The following SPATC1 variants were observed in gnomAD, a reference collection of about 807,000 sequenced individuals.
SPATC1 encodes the protein spermatogenesis and centriole associated 1.
In SPATC1, 35 loss-of-function variants were observed where a neutral mutation model predicts 36.5. The observed-to-expected ratio is 0.96, with a 90% CI of 0.73 to 1.27. The LOEUF (loss-of-function observed/expected upper bound fraction) is 1.27, where lower values mean the gene tolerates loss of function less well. Ranked by LOEUF, SPATC1 falls within the 50% of genes most tolerant of loss-of-function variation. The probability of loss-of-function intolerance (pLI) is 0.00; values close to 1 mark genes in which losing one functional copy is unlikely to be tolerated. For missense variants in SPATC1, 779 were observed against 796.0 expected, an observed-to-expected ratio of 0.98 and a Z score of 0.26; for synonymous variants, 361 against 353.6, an observed-to-expected ratio of 1.02 and a Z score of -0.24.
chr8:144,012,797 G>A, intron 1 of SPATC1, 71 bp downstream of exon 1: 1 of 1,501,764 alleles, frequency 6.7e-7, no homozygotes, highest in South Asian at 1.2e-5. Context: ...GACTCAGTGT[G>A]CTGAGGTCTC....
At chr8:144,025,132 C>T (rs1311627104) in intron 1 of SPATC1, among the ~76,000 whole-genome samples, 3 of 151,710 alleles carry the variant, frequency 2.0e-5, no homozygotes, top group Non-Finnish European at 4.4e-5. Flanking sequence ...ATTCTTTTCC[C>T]TGAGGACCCT....
intron 1 of SPATC1, among the ~76,000 whole-genome samples, chr8:144,023,462 AC>A (rs1186359111): frequency 0.095 from 9,148 of 96,074 alleles, 1,491 homozygotes; most frequent in Non-Finnish European, 0.13. Context: ...TTCCCTGAGG[AC>A]CCTCTCTCCT....
intron 1 of SPATC1, among the ~76,000 whole-genome samples, chr8:144,026,114 T>C (rs1355814400): frequency 6.7e-6 from 1 of 150,100 alleles, no homozygotes; most frequent in Non-Finnish European, 1.5e-5. Flanking sequence ...CCTCCCCAGC[T>C]CTAAGCAACC....
chr8:144,030,833 A>G lies in SPATC1; in HGVS notation c.212-9076A>G, dbSNP rs1014211038. Among the ~76,000 whole-genome samples the G allele has an allele frequency of 3.3e-5, 5 of 152,170 alleles. No individual in the cohort carries two copies. The South Asian group carries it at 6.2e-4, about 19-fold the overall frequency. ...GGTTACCCTGGGGGTCACAATAAAC[A>G]TCTTAAATTTATAACAGTCTAGTTC... is the stretch of plus-strand genomic sequence containing the variant. On this transcript the variant is annotated intron_variant, in intron 1 of 4. Coordinates refer to ENST00000377470, the MANE Select transcript of SPATC1 (RefSeq NM_198572.3).
chr8:144,043,384 C>T (rs555767423), intron 4 of SPATC1, among the ~76,000 whole-genome samples: 33 of 151,786 alleles, frequency 2.2e-4, no homozygotes, highest in Non-Finnish European at 4.3e-4. Flanking sequence ...CAAGTTCAAG[C>T]GATTCTCCTG....
At chr8:144,042,360 C>T (rs1835138546) in intron 4 of SPATC1, among the ~76,000 whole-genome samples, 1 of 123,622 alleles carries the variant, frequency 8.1e-6, no homozygotes, top group East Asian at 2.4e-4. Context: ...GCTCTTGTCG[C>T]CCAGGCTGGA....
rs377311384 is a variant in SPATC1 at position 144,016,781 on chromosome 8, A to G, written c.211+4055A>G. 2.0e-5 allele frequency among the ~76,000 whole-genome samples: 3 copies of G among 152,176 alleles called. No homozygotes were observed. In the South Asian group the frequency reaches 6.2e-4, roughly 32 times the overall value. ...CTCCCGAGTAGCTGGGACTACGGGC[A>G]TGCACCAGCACACCCGGCTAATTTT... On this transcript the variant is annotated intron_variant, in intron 1 of 4. Transcript: ENST00000377470. The surrounding 1 kb of genome is among the most constrained non-coding windows in gnomAD (Gnocchi z 4.5).
Position 144,040,776 on chromosome 8 carries a change from C to G in SPATC1, c.975C>G (p.Ser325=). ...TGGTCCCTGCATCTGTCCCCACCTC[C>G]CCCACCACCTCCCCCACGGTCACCG... ...EQVVPASVPT[S]PTTSPTVTVL... The change falls in exon 3 of 5, where the codon TCC becomes TCG. Residue 325 remains serine, a synonymous_variant. Transcript: ENST00000377470. 1 of 1,588,464 alleles carries G rather than the reference C, an allele frequency of 6.3e-7. No individual in the cohort carries two copies. The highest frequency in any genetic ancestry group is 8.6e-7 in the Non-Finnish European group (1 of 1,168,418).
At chr8:144,023,358 T>A (rs1382014655) in intron 1 of SPATC1, among the ~76,000 whole-genome samples, 1 of 4,010 alleles carries the variant, frequency 2.5e-4, no homozygotes, top group South Asian at 9.8e-3. Context: ...AGGACCCTCT[T>A]CCCTCAGAAC....
intron 1 of SPATC1, among the ~76,000 whole-genome samples, chr8:144,025,902 G>A (rs1834667666): frequency 6.6e-6 from 1 of 152,156 alleles, no homozygotes; most frequent in Non-Finnish European, 1.5e-5. Flanking sequence ...TGACCCCAGT[G>A]AATCTTTTTT....
chr8:144,045,705 C>G lies in SPATC1; in HGVS notation c.1447-922C>G, dbSNP rs1835241811. On this transcript the variant is annotated intron_variant, in intron 4 of 4. Coordinates refer to ENST00000377470, the MANE Select transcript of SPATC1 (RefSeq NM_198572.3). This position sits in a 1 kb window ranked among gnomAD's most constrained non-coding sequence, Gnocchi z 5.2. ...GTGCAGAGAGCGGGCAGGGCCAAGC[C>G]TGGAGGCAGGGGCAGCTGCACCTGT... Among the ~76,000 whole-genome samples, 1 of 152,214 alleles carries G rather than the reference C, an allele frequency of 6.6e-6. No homozygotes were observed. The highest frequency in any genetic ancestry group is 2.4e-5 in the African/African-American group (1 of 41,444).
intron 1 of SPATC1, among the ~76,000 whole-genome samples, chr8:144,020,533 T>G: frequency 6.7e-6 from 1 of 150,056 alleles, no homozygotes. Context: ...CAGAACCCTC[T>G]TCCCTCAGGA....
At chr8:144,036,881 T>C (rs1173927382) in intron 1 of SPATC1, among the ~76,000 whole-genome samples, 2 of 151,588 alleles carry the variant, frequency 1.3e-5, no homozygotes, top group Non-Finnish European at 2.9e-5. Context: ...AGTAAAAAAA[T>C]AGCACGTCCG....
chr8:144,030,627 G>GC (rs1834774641), intron 1 of SPATC1, among the ~76,000 whole-genome samples: 1 of 152,192 alleles, frequency 6.6e-6, no homozygotes, highest in Non-Finnish European at 1.5e-5. Context: ...CCAAAGTGCT[G>GC]TGATTACAGG....
chr8:144,012,245 G>C, upstream of SPATC1, among the ~76,000 whole-genome samples: 1 of 152,256 alleles, frequency 6.6e-6, no homozygotes, highest in East Asian at 1.9e-4. Context: ...GAGGCACCAT[G>C]AGGGTGAAGT....
Position 144,047,053 on chromosome 8 carries a change from G to GA in SPATC1, c.*97_*98insA. ...CACTGGTCGCTGGGCCTGTGCCAGCGCTCCTGGGTGGTGCTGCCTCCTCTG... is the reference window on the plus strand; with the variant it reads ...CACTGGTCGCTGGGCCTGTGCCAGCGACTCCTGGGTGGTGCTGCCTCCTCTG... On this transcript the variant is annotated 3_prime_UTR_variant, in exon 5 of 5. Coordinates refer to ENST00000377470, the MANE Select transcript of SPATC1 (RefSeq NM_198572.3). This position sits in a 1 kb window ranked among gnomAD's most constrained non-coding sequence, Gnocchi z 4.1. The GA allele has an allele frequency of 7.0e-7, 1 of 1,424,976 alleles. No individual in the cohort carries two copies. Among genetic ancestry groups the GA allele is most frequent in the Non-Finnish European group, 9.4e-7 (1 of 1,065,476 alleles). The allele number at this position is 1,424,976 out of a possible 1,614,324, so 88.3% of individuals were successfully genotyped here. A position where few individuals can be genotyped will look rare whatever the true frequency, so the allele number is the denominator to read the frequency against.
At chr8:144,018,745 TG>T (rs1412315424) in intron 1 of SPATC1, among the ~76,000 whole-genome samples, 1 of 150,944 alleles carries the variant, frequency 6.6e-6, no homozygotes, top group African/African-American at 2.4e-5. Context: ...AGAGTAAAAA[TG>T]GGGGGCTGGG....
chr8:144,039,321 A>G (rs957436716), intron 1 of SPATC1, among the ~76,000 whole-genome samples: 54 of 152,314 alleles, frequency 3.5e-4, no homozygotes, highest in African/African-American at 9.4e-4. Context: ...AGGGTGTGTG[A>G]CCAGCTCTGA....
At chr8:144,038,713 G>A (rs548257800) in intron 1 of SPATC1, among the ~76,000 whole-genome samples, 164 of 152,090 alleles carry the variant, frequency 1.1e-3, no homozygotes, top group African/African-American at 3.5e-3. Flanking sequence ...GGGCTCAGGC[G>A]GTTGAATTTT....
Sources: allele counts gnomAD v4.1 joint callset (sites outside exome capture counted in the v4.1 genomes callset), GRCh38; gene constraint gnomAD v4.1.1; non-coding constraint Gnocchi (gnomAD v3.1); transcripts MANE v1.5; gene names NCBI Gene and HGNC (gene_info 2026-07-23, HGNC 2026-07-21).